SNX13: variants seen among roughly 807,000 people sequenced by gnomAD.
SNX13 encodes sorting nexin-13.
In SNX13, 45 loss-of-function variants were observed where a neutral mutation model predicts 133.6. The observed-to-expected ratio is 0.34, with a 90% CI of 0.27 to 0.43. The LOEUF (loss-of-function observed/expected upper bound fraction) is 0.43, where lower values mean the gene tolerates loss of function less well. SNX13 is among the 20% of genes least tolerant of loss of function. The pLI, the probability that SNX13 is intolerant of heterozygous loss-of-function variation, is 1.00. For synonymous variants in SNX13, 414 were observed against 373.9 expected, an observed-to-expected ratio of 1.11 and a Z score of -1.24; for missense variants, 1,032 against 1,145.1, an observed-to-expected ratio of 0.90 and a Z score of 1.43.
intron 1 of SNX13, among the ~76,000 whole-genome samples, chr7:17,934,139 C>T (rs567730963): frequency 6.6e-6 from 1 of 152,276 alleles, no homozygotes; most frequent in Non-Finnish European, 1.5e-5. Context: ...ACTTTTAAAA[C>T]GTTAAACAGT....
intron 1 of SNX13, among the ~76,000 whole-genome samples, chr7:17,935,903 A>C (rs1801966669): frequency 6.6e-6 from 1 of 152,206 alleles, no homozygotes; most frequent in Non-Finnish European, 1.5e-5. Flanking sequence ...GAGTATTTCT[A>C]TTACAAATAT....
intron 21 of SNX13, 129 bp downstream of exon 21, chr7:17,803,290 G>C (rs985575876): frequency 6.6e-5 from 53 of 800,840 alleles, no homozygotes; most frequent in African/African-American, 8.9e-5. Flanking sequence ...TTCTTTATGA[G>C]ACTATGTGTC....
At chr7:17,831,930 T>C (rs1300765428) in intron 15 of SNX13, 2 of 984,202 alleles carry the variant, frequency 2.0e-6, no homozygotes, top group South Asian at 4.7e-5. Context: ...CTTTAAATAG[T>C]AATGTTTCAT....
In SNX13 at chr7:17,814,557, C is replaced by T. The variant is rs114710238; in HGVS notation, c.2064+277G>A. ...ATGAAACATTTCCCTCTAAAGATAA[C>T]GAAAAGCTTGTGACTTGTCTCAGGC... On this transcript the variant is annotated intron_variant, in intron 20 of 25. Coordinates refer to ENST00000428135, the MANE Select transcript of SNX13 (RefSeq NM_015132.5). Among the ~76,000 whole-genome samples the T allele has an allele frequency of 4.8e-3, 737 of 152,008 alleles. 5 individuals are homozygous for T. Among genetic ancestry groups the T allele is most frequent in the African/African-American group, 0.017 (710 of 41,458 alleles).
At chr7:17,804,632 C>A (rs1784984673) in intron 20 of SNX13, among the ~76,000 whole-genome samples, 1 of 151,448 alleles carries the variant, frequency 6.6e-6, no homozygotes, top group Non-Finnish European at 1.5e-5. Flanking sequence ...TCTAAAGAAA[C>A]CAAACTAGAG....
At chr7:17,924,590 C>A (rs1305275546) in intron 1 of SNX13, among the ~76,000 whole-genome samples, 1 of 152,088 alleles carries the variant, frequency 6.6e-6, no homozygotes, top group Non-Finnish European at 1.5e-5. Flanking sequence ...ACTGTATAAC[C>A]CAGCAATTCC....
At chr7:17,843,874 G>A (rs1482481266) in intron 12 of SNX13, among the ~76,000 whole-genome samples, 1 of 151,882 alleles carries the variant, frequency 6.6e-6, no homozygotes, top group Non-Finnish European at 1.5e-5. Flanking sequence ...GATCAAAGAA[G>A]AAATCACAAG....
chr7:17,796,711 TAAGCC>T, intron 25 of SNX13, 111 bp downstream of exon 25: 1 of 719,004 alleles, frequency 1.4e-6, no homozygotes, highest in East Asian at 2.6e-5. Flanking sequence ...TGATATGTAT[TAAGCC>T]ATCAAAAGGT....
At chr7:17,830,161 TAA>T (rs367739163) in intron 15 of SNX13, 114 bp from the exon 16 acceptor site, 18,303 of 468,456 alleles carry the variant, frequency 0.039, no homozygotes, top group Non-Finnish European at 0.043. Flanking sequence ...AACATAATAG[TAA>T]AAAAAAAAAA....
chr7:17,843,482 G>C (rs1031478083), intron 12 of SNX13, among the ~76,000 whole-genome samples: 3 of 152,054 alleles, frequency 2.0e-5, no homozygotes, highest in Non-Finnish European at 4.4e-5. Flanking sequence ...CACAATAATA[G>C]TTGGAGATTT....
At chr7:17,864,951 CAAAGTGCTGA>C (rs1793202265) in intron 9 of SNX13, among the ~76,000 whole-genome samples, 1 of 152,030 alleles carries the variant, frequency 6.6e-6, no homozygotes, top group South Asian at 2.1e-4. Flanking sequence ...TTCATACATT[CAAAGTGCTGA>C]AGGAAAAAAA....
intron 5 of SNX13, among the ~76,000 whole-genome samples, chr7:17,876,607 A>G (rs546067764): frequency 6.6e-6 from 1 of 152,158 alleles, no homozygotes; most frequent in Admixed American, 6.5e-5. Context: ...ACCATTAGAA[A>G]TAACTAATTA....
At chr7:17,893,134 T>A (rs545827186) in intron 3 of SNX13, among the ~76,000 whole-genome samples, 198 bp downstream of exon 3, 3 of 152,318 alleles carry the variant, frequency 2.0e-5, no homozygotes, top group East Asian at 3.9e-4. Flanking sequence ...TCCCACTTTT[T>A]AAATCTAACA....
Position 17,847,292 on chromosome 7 carries a change from A to G in SNX13, c.1066-1598T>C, listed in dbSNP as rs183716759. On this transcript the variant is annotated intron_variant, in intron 11 of 25. Transcript: ENST00000428135. ...GGCCTCAAGTAATGTTTCTTAAGTTATAATTCACCTAGAAAACTAAATTTA... is the reference window on the plus strand; with the variant it reads ...GGCCTCAAGTAATGTTTCTTAAGTTGTAATTCACCTAGAAAACTAAATTTA... 2.1e-3 allele frequency among the ~76,000 whole-genome samples: 327 copies of G among 152,272 alleles called. 1 individual carries two copies. The highest frequency in any genetic ancestry group is 3.6e-3 in the Non-Finnish European group (246 of 68,016).
At chr7:17,807,080 G>A (rs1191040635) in intron 20 of SNX13, among the ~76,000 whole-genome samples, 1 of 152,100 alleles carries the variant, frequency 6.6e-6, no homozygotes, top group Non-Finnish European at 1.5e-5. Context: ...ATACCCCAGA[G>A]GTGCCTGGAA....
intron 5 of SNX13, among the ~76,000 whole-genome samples, chr7:17,885,783 G>A (rs1040001197): frequency 6.6e-6 from 1 of 152,294 alleles, no homozygotes; most frequent in South Asian, 2.1e-4. Flanking sequence ...AGCCGAGATC[G>A]TGCCACTGCA....
chr7:17,851,056 T>C, intron 9 of SNX13, 92 bp from the exon 10 acceptor site: 2 of 1,306,982 alleles, frequency 1.5e-6, no homozygotes, highest in South Asian at 2.8e-5. Flanking sequence ...GCTAGGACAA[T>C]TTGCTACATA....
rs567318073 is a variant in SNX13, at chr7:17,816,280, G to C, written c.1855C>G (p.Leu619Val). 3.9e-6 allele frequency: 6 copies of C among 1,540,548 alleles called. No homozygotes were observed. In the Admixed American group the frequency reaches 1.2e-4, roughly 32 times the overall value. Residue 619 changes from leucine to valine, a missense_variant, in exon 19 of 26, where the codon CTC (leucine) becomes GTC (valine). By Grantham distance (32) the Leu-to-Val change is conservative. Transcript: ENST00000428135. ...HMRITEQFES[L>V]SSILKLPGKK... is the part of the protein sequence containing the mutation. ...CCAGGAAGTTTCAATATGCTTGAGA[G>C]ACTTTCAAACTGTAAGACAAAATAC...
intron 2 of SNX13, among the ~76,000 whole-genome samples, chr7:17,896,772 G>C (rs1797257911): frequency 6.6e-6 from 1 of 151,922 alleles, no homozygotes; most frequent in Non-Finnish European, 1.5e-5. Context: ...TGCATACAAA[G>C]CTACAATAAA....
Sources: allele counts gnomAD v4.1 joint callset (sites outside exome capture counted in the v4.1 genomes callset), GRCh38; gene constraint gnomAD v4.1.1; transcripts MANE v1.5; gene names NCBI Gene and HGNC (gene_info 2026-07-23, HGNC 2026-07-21).